Variants in CALN1 observed in about 807,000 individuals in gnomAD.
CALN1 encodes the protein calcium-binding protein 8.
A neutral mutation model predicts 30.6 loss-of-function variants in CALN1; 17 were observed. The observed-to-expected ratio is 0.56, with a 90% CI of 0.38 to 0.83. The LOEUF is 0.83. Among genes scored for constraint, CALN1 ranks in the 40% least tolerant of loss-of-function variants. The pLI, the probability that CALN1 is intolerant of heterozygous loss-of-function variation, is 0.00. For missense variants in CALN1, 291 were observed against 354.9 expected, an observed-to-expected ratio of 0.82 and a Z score of 1.45; for synonymous variants, 156 against 131.4, an observed-to-expected ratio of 1.19 and a Z score of -1.28.
intron 5 of CALN1, among the ~76,000 whole-genome samples, chr7:71,953,769 C>A (rs775873423): frequency 6.6e-6 from 1 of 151,854 alleles, no homozygotes; most frequent in Non-Finnish European, 1.5e-5. Flanking sequence ...AAGCAGAGGA[C>A]CAGTTTCCAT....
At chr7:72,462,947 A>G in the CALN1 span, among the ~76,000 whole-genome samples, 225 of 152,282 alleles carry the variant, frequency 1.5e-3, no homozygotes, top group Admixed American at 2.4e-3. Context: ...CACATCTTCC[A>G]TCAATGAACA....
chr7:71,880,136 C>CA (rs1384645720), intron 5 of CALN1, among the ~76,000 whole-genome samples: 1 of 151,896 alleles, frequency 6.6e-6, no homozygotes, highest in Non-Finnish European at 1.5e-5. Context: ...GATACTGTCT[C>CA]AAAAAACAAA....
intron 2 of CALN1, among the ~76,000 whole-genome samples, chr7:72,383,456 G>GT (rs975670083): frequency 6.6e-6 from 1 of 152,096 alleles, no homozygotes; most frequent in Non-Finnish European, 1.5e-5. Flanking sequence ...GTGTGAGGAG[G>GT]TATCTCATTA....
At chr7:72,089,455 A>G (rs1033536012) in intron 4 of CALN1, among the ~76,000 whole-genome samples, 1 of 152,200 alleles carries the variant, frequency 6.6e-6, no homozygotes, top group Non-Finnish European at 1.5e-5. Flanking sequence ...TGAAATAAAT[A>G]TAAAAGGCTA....
intron 3 of CALN1, among the ~76,000 whole-genome samples, chr7:72,220,860 C>T (rs1465697271): frequency 6.6e-6 from 1 of 152,178 alleles, no homozygotes; most frequent in African/African-American, 2.4e-5. Flanking sequence ...AGTGTCTGTT[C>T]ATGTCCTTCG....
chr7:72,363,649 C>T (rs1476139045), intron 2 of CALN1, among the ~76,000 whole-genome samples: 1 of 151,506 alleles, frequency 6.6e-6, no homozygotes, highest in Non-Finnish European at 1.5e-5. Flanking sequence ...GTACTGACAG[C>T]AGGCATTCAT....
chr7:72,033,012 CTTGAATGAGCA>C (rs1186081328), intron 4 of CALN1, among the ~76,000 whole-genome samples: 1 of 152,202 alleles, frequency 6.6e-6, no homozygotes. Flanking sequence ...TTTTATCACT[CTTGAATGAGCA>C]AGTAGCTGCA....
intron 6 of CALN1, among the ~76,000 whole-genome samples, chr7:71,804,623 A>G (rs1219209663): frequency 1.3e-5 from 2 of 152,210 alleles, no homozygotes; most frequent in African/African-American, 2.4e-5. Context: ...GTTCGAGATC[A>G]GCCTGGACAA....
intron 5 of CALN1, among the ~76,000 whole-genome samples, chr7:71,873,238 C>T (rs1792050531): frequency 6.6e-6 from 1 of 151,902 alleles, no homozygotes; most frequent in South Asian, 2.1e-4. Context: ...GAACTACTGA[C>T]CTCAGGTAAT....
chr7:72,454,872 C>T, the CALN1 span, among the ~76,000 whole-genome samples: 1 of 150,936 alleles, frequency 6.6e-6, no homozygotes, highest in Admixed American at 6.6e-5. Flanking sequence ...GCTCTTATTG[C>T]CAAGGCTGGA....
chr7:71,868,936 A>G (rs1293762953), intron 5 of CALN1, among the ~76,000 whole-genome samples: 2 of 152,204 alleles, frequency 1.3e-5, no homozygotes, highest in Non-Finnish European at 2.9e-5. Context: ...GACTCCAGGA[A>G]GGAGACCAGG....
chr7:72,436,135 AG>A (rs1486315513), intron 1 of CALN1, among the ~76,000 whole-genome samples: 1 of 152,238 alleles, frequency 6.6e-6, no homozygotes, highest in Non-Finnish European at 1.5e-5. Flanking sequence ...TCCTGGGATT[AG>A]TCCCAGGGCT....
chr7:72,206,273 G>A (rs538043403), intron 3 of CALN1, among the ~76,000 whole-genome samples: 117 of 152,222 alleles, frequency 7.7e-4, no homozygotes, highest in African/African-American at 2.7e-3. Context: ...CCTCTTCTTC[G>A]AAAATATAAA....
chr7:72,083,461 G>A (rs1372429123), intron 4 of CALN1, among the ~76,000 whole-genome samples: 3 of 152,146 alleles, frequency 2.0e-5, no homozygotes, highest in African/African-American at 7.2e-5. Flanking sequence ...GCATGTGCCT[G>A]TAATCCTAGT....
At chr7:72,394,811 C>A (rs1805807973) in intron 2 of CALN1, among the ~76,000 whole-genome samples, 2 of 151,830 alleles carry the variant, frequency 1.3e-5, no homozygotes, top group East Asian at 3.9e-4. Context: ...ACAAGGGTAC[C>A]AACATGCCCG....
chr7:72,336,689 G>A (rs750642789), intron 2 of CALN1: 5 of 985,202 alleles, frequency 5.1e-6, no homozygotes, highest in East Asian at 1.1e-4. Flanking sequence ...CTAGGGAGCC[G>A]GCGGCGGCAC....
chr7:72,372,884 A>G lies in CALN1; in HGVS notation c.119+30367T>C, dbSNP rs1265657112. On this transcript the variant is annotated intron_variant, in intron 2 of 6. Coordinates refer to ENST00000395275, the MANE Select transcript of CALN1 (RefSeq NM_031468.4). ...AAAATACAATGAACCAAGAAAATCC[A>G]AATATGTTTGGGTGAAGGTAACCAA... Among the ~76,000 whole-genome samples the G allele has an allele frequency of 2.0e-5, 3 of 152,214 alleles. No homozygotes were observed. The East Asian group carries it at 5.8e-4, about 29-fold the overall frequency.
chr7:72,027,726 A>AACAAAC (rs1429392421), intron 4 of CALN1, among the ~76,000 whole-genome samples: 2 of 143,222 alleles, frequency 1.4e-5, no homozygotes, highest in African/African-American at 2.6e-5. Flanking sequence ...CAAACAAACA[A>AACAAAC]ACACACACAC....
At chr7:72,311,451 G>A (rs1373638386) in intron 2 of CALN1, among the ~76,000 whole-genome samples, 1 of 151,892 alleles carries the variant, frequency 6.6e-6, no homozygotes, top group Non-Finnish European at 1.5e-5. Flanking sequence ...CTTGCATTGT[G>A]GAAGGATCAA....
Sources: allele counts gnomAD v4.1 joint callset (sites outside exome capture counted in the v4.1 genomes callset), GRCh38; gene constraint gnomAD v4.1.1; transcripts MANE v1.5; gene names NCBI Gene and HGNC (gene_info 2026-07-23, HGNC 2026-07-21).